SUCLG2: variants seen among roughly 807,000 people sequenced by gnomAD.
SUCLG2 encodes succinate-CoA ligase GDP-forming subunit beta.
SUCLG2 carries 42 observed loss-of-function variants against 47.9 expected under a neutral mutation model. The observed-to-expected ratio is 0.88, with a 90% confidence interval of 0.69 to 1.14. The LOEUF is 1.14. Among genes scored for constraint, SUCLG2 ranks in the 50% most tolerant of loss-of-function variants. The pLI, the probability that SUCLG2 is intolerant of heterozygous loss-of-function variation, is 0.00. For missense variants in SUCLG2, 571 were observed against 525.9 expected, an observed-to-expected ratio of 1.09 and a Z score of -0.84; for synonymous variants, 195 against 197.3, an observed-to-expected ratio of 0.99 and a Z score of 0.10.
At chr3:67,585,310 G>A (rs545836775) in intron 2 of SUCLG2, among the ~76,000 whole-genome samples, 1 of 152,112 alleles carries the variant, frequency 6.6e-6, no homozygotes, top group Non-Finnish European at 1.5e-5. Flanking sequence ...TTAGGTTAAA[G>A]TTGCTTTGGC....
At chr3:67,570,597 AC>A (rs1707580360) in intron 2 of SUCLG2, among the ~76,000 whole-genome samples, 1 of 152,236 alleles carries the variant, frequency 6.6e-6, no homozygotes, top group African/African-American at 2.4e-5. Context: ...GCTGAAATCA[AC>A]CACATGGGCA....
At chr3:67,426,201 C>A (rs1385952815) in intron 9 of SUCLG2, among the ~76,000 whole-genome samples, 1 of 152,064 alleles carries the variant, frequency 6.6e-6, no homozygotes, top group Non-Finnish European at 1.5e-5. Context: ...CAAACAATAA[C>A]AAAATCCCAT....
chr3:67,490,234 T>C (rs1705172040), intron 9 of SUCLG2, among the ~76,000 whole-genome samples: 1 of 152,200 alleles, frequency 6.6e-6, no homozygotes, highest in African/African-American at 2.4e-5. Flanking sequence ...ATATTCTTCT[T>C]TGTACTTAAA....
At chr3:67,517,399 A>C (rs72923189) in intron 6 of SUCLG2, among the ~76,000 whole-genome samples, 2,072 of 152,306 alleles carry the variant, frequency 0.014, 42 homozygotes, top group African/African-American at 0.047. Context: ...TAACCTTTTC[A>C]TAAAGCCCCA....
intron 9 of SUCLG2, among the ~76,000 whole-genome samples, chr3:67,469,981 G>T (rs1334654007): frequency 6.6e-6 from 1 of 150,874 alleles, no homozygotes; most frequent in Non-Finnish European, 1.5e-5. Flanking sequence ...GGAGGTGGAG[G>T]TTGCAAAGTG....
chr3:67,424,415 T>G (rs889471327), intron 9 of SUCLG2, among the ~76,000 whole-genome samples: 5 of 152,158 alleles, frequency 3.3e-5, no homozygotes, highest in African/African-American at 1.2e-4. Flanking sequence ...GTCACCAACA[T>G]CCCTCCTAAA....
chr3:67,583,517 A>C (rs893332760), intron 2 of SUCLG2, among the ~76,000 whole-genome samples: 1 of 152,222 alleles, frequency 6.6e-6, no homozygotes, highest in Non-Finnish European at 1.5e-5. Flanking sequence ...GCAGATTATT[A>C]CAAATGTAAA....
chr3:67,609,723 A>C (rs1575814180), intron 1 of SUCLG2, 127 bp from the exon 2 acceptor site: 1 of 837,068 alleles, frequency 1.2e-6, no homozygotes, highest in East Asian at 3.0e-5. Context: ...AGAGAAGCAA[A>C]AGAAAAAAAA....
At chr3:67,613,089 C>G (rs978367368) in intron 1 of SUCLG2, among the ~76,000 whole-genome samples, 10 of 152,202 alleles carry the variant, frequency 6.6e-5, no homozygotes, top group African/African-American at 2.4e-4. Context: ...CTCTCCAAAC[C>G]TTGTCCTCTT....
intron 1 of SUCLG2, among the ~76,000 whole-genome samples, chr3:67,645,228 A>C (rs767240349): frequency 2.6e-5 from 4 of 152,164 alleles, no homozygotes; most frequent in South Asian, 2.1e-4. Context: ...TTTATACAAA[A>C]TATAGTCATA....
intron 2 of SUCLG2, among the ~76,000 whole-genome samples, chr3:67,538,933 C>G (rs1158435785): frequency 6.6e-6 from 1 of 152,108 alleles, no homozygotes; most frequent in African/African-American, 2.4e-5. Context: ...CGCTGAAGTT[C>G]CTTATCAGCT....
intron 9 of SUCLG2, among the ~76,000 whole-genome samples, chr3:67,415,981 G>A (rs1025937024): frequency 3.3e-5 from 5 of 152,146 alleles, no homozygotes; most frequent in Non-Finnish European, 7.3e-5. Context: ...CCATAAGGAC[G>A]GACACTCAAG....
chr3:67,407,311 T>A (rs1702836221), intron 9 of SUCLG2, among the ~76,000 whole-genome samples: 1 of 152,190 alleles, frequency 6.6e-6, no homozygotes, highest in South Asian at 2.1e-4. Flanking sequence ...ACTTGATATA[T>A]CTTTGATAAC....
chr3:67,629,354 C>A (rs941514405), intron 1 of SUCLG2, among the ~76,000 whole-genome samples: 6 of 152,222 alleles, frequency 3.9e-5, no homozygotes, highest in African/African-American at 1.4e-4. Context: ...GCCACCTGCA[C>A]ACACAGGGGT....
chr3:67,584,279 T>G (rs1238760241), intron 2 of SUCLG2, among the ~76,000 whole-genome samples: 1 of 152,066 alleles, frequency 6.6e-6, no homozygotes, highest in Non-Finnish European at 1.5e-5. Flanking sequence ...TGATACTAAG[T>G]GAAGGAAGCT....
chr3:67,558,403 T>C (rs1707218551), intron 2 of SUCLG2, among the ~76,000 whole-genome samples: 1 of 152,012 alleles, frequency 6.6e-6, no homozygotes, highest in South Asian at 2.1e-4. Context: ...GGTAGCTCTC[T>C]AGAAAGAAGA....
At chr3:67,573,879 T>C (rs919413510) in intron 2 of SUCLG2, among the ~76,000 whole-genome samples, 1 of 152,220 alleles carries the variant, frequency 6.6e-6, no homozygotes, top group Non-Finnish European at 1.5e-5. Flanking sequence ...GCCCCATCTT[T>C]AGCTGAACTA....
downstream of SUCLG2, among the ~76,000 whole-genome samples, chr3:67,371,843 A>G (rs549332379): frequency 6.6e-6 from 1 of 152,270 alleles, no homozygotes; most frequent in East Asian, 1.9e-4. Flanking sequence ...GCCACATGCT[A>G]GTTTTGTGCT....
chr3:67,511,602 G>A (rs559046065), intron 6 of SUCLG2, among the ~76,000 whole-genome samples: 1 of 152,298 alleles, frequency 6.6e-6, no homozygotes, highest in East Asian at 1.9e-4. Flanking sequence ...ATGTGGAATT[G>A]TAAGTAAATT....
Sources: gnomAD v4.1 joint callset for allele counts (sites outside exome capture counted in the v4.1 genomes callset) on GRCh38, gnomAD v4.1.1 for gene constraint, MANE v1.5 for transcripts, NCBI Gene and HGNC (gene_info 2026-07-23, HGNC 2026-07-21) for gene names.